The following PARD3B variants were observed in gnomAD, a reference collection of about 807,000 sequenced individuals.
PARD3B encodes the protein par-3 family cell polarity regulator beta, also known as partitioning defective 3 homolog B.
A neutral mutation model predicts 130.2 loss-of-function variants in PARD3B; 103 were observed. That is an observed-to-expected ratio of 0.79 (90% CI 0.67 to 0.93). The LOEUF is 0.93. Among genes scored for constraint, PARD3B ranks in the 40% least tolerant of loss-of-function variants. PARD3B has a pLI of 0.00. For synonymous variants in PARD3B, 583 were observed against 553.2 expected, an observed-to-expected ratio of 1.05 and a Z score of -0.76; for missense variants, 1,609 against 1,499.2, an observed-to-expected ratio of 1.07 and a Z score of -1.21.
chr2:205,388,552 T>C (rs698905), intron 18 of PARD3B, among the ~76,000 whole-genome samples: 114,325 of 152,128 alleles, frequency 0.75, 46,178 homozygotes, highest in East Asian at 0.96. Flanking sequence ...TAATAGCTCT[T>C]TCTGAATTAC....
intron 1 of PARD3B, among the ~76,000 whole-genome samples, chr2:204,584,023 G>T (rs1181855164): frequency 6.6e-6 from 1 of 152,228 alleles, no homozygotes; most frequent in African/African-American, 2.4e-5. Flanking sequence ...GACTGAAGTT[G>T]GGGGCATGCA....
At chr2:205,557,411 C>T (rs995710262) in intron 22 of PARD3B, among the ~76,000 whole-genome samples, 2 of 152,166 alleles carry the variant, frequency 1.3e-5, no homozygotes, top group African/African-American at 4.8e-5. Flanking sequence ...ACTTCCTTTG[C>T]TTTATGACCT....
chr2:204,933,751 T>A (rs1688204962), intron 2 of PARD3B, among the ~76,000 whole-genome samples: 1 of 152,226 alleles, frequency 6.6e-6, no homozygotes, highest in Non-Finnish European at 1.5e-5. Flanking sequence ...ATCTCTTGCC[T>A]CTGTTCAGCA....
At chr2:204,931,100 GA>G (rs975568060) in intron 2 of PARD3B, among the ~76,000 whole-genome samples, 9 of 150,626 alleles carry the variant, frequency 6.0e-5, no homozygotes, top group South Asian at 2.1e-4. Context: ...GTTTAATATA[GA>G]AAAAAAAATG....
At chr2:205,362,961 G>A (rs2044448668) in intron 18 of PARD3B, among the ~76,000 whole-genome samples, 1 of 152,098 alleles carries the variant, frequency 6.6e-6, no homozygotes, top group South Asian at 2.1e-4. Context: ...AACCTTCCGT[G>A]TAGATCCATG....
chr2:204,723,369 GA>G (rs1278175268), intron 2 of PARD3B, among the ~76,000 whole-genome samples: 1 of 151,914 alleles, frequency 6.6e-6, no homozygotes, highest in African/African-American at 2.4e-5. Context: ...TAATTTTTGG[GA>G]AAAAATTAGC....
intron 18 of PARD3B, among the ~76,000 whole-genome samples, chr2:205,356,973 T>C (rs1475857620): frequency 1.3e-5 from 2 of 152,148 alleles, no homozygotes; most frequent in Non-Finnish European, 2.9e-5. Context: ...AAAAAGTTTT[T>C]CTTCCCCTAG....
At position 204,554,451 on chromosome 2, in the gene PARD3B, A is replaced by G. The variant is rs181366524; in HGVS notation, c.120+8332A>G. Reference sequence around the variant, plus strand: ...GGCAAGGCCATCTTTCTAGCTGTTCACCAGAAATGCTTGTCATCACCCTTG... The same window carrying G: ...GGCAAGGCCATCTTTCTAGCTGTTCGCCAGAAATGCTTGTCATCACCCTTG... On this transcript the variant is annotated intron_variant, in intron 1 of 22. Transcript: ENST00000406610. 3.4e-3 allele frequency among the ~76,000 whole-genome samples: 510 copies of G among 151,990 alleles called. 3 individuals carry two copies. The highest frequency in any genetic ancestry group is 0.011 in the African/African-American group (470 of 41,456).
intron 4 of PARD3B, among the ~76,000 whole-genome samples, chr2:205,056,103 G>C (rs1365276652): frequency 6.6e-6 from 1 of 152,128 alleles, no homozygotes; most frequent in East Asian, 1.9e-4. Context: ...AAGGGTTAAT[G>C]AGAGTTCACC....
Position 205,243,402 on chromosome 2 carries a change from G to T in PARD3B, c.2141-2376G>T, listed in dbSNP as rs140579926. Among the ~76,000 whole-genome samples, 757 of 152,274 alleles carry T rather than the reference G, an allele frequency of 5.0e-3. 6 individuals are homozygous for T. The highest frequency in any genetic ancestry group is 0.017 in the African/African-American group (727 of 41,548). On this transcript the variant is annotated intron_variant, in intron 15 of 22. Coordinates refer to ENST00000406610, the MANE Select transcript of PARD3B (RefSeq NM_001302769.2). ...GGTAAGCAATATCCTCTTATGATGA[G>T]ACTGAGGCCACAGAAAGTTAAAATG...
chr2:204,865,337 A>G (rs923287226), intron 2 of PARD3B, among the ~76,000 whole-genome samples: 3 of 152,246 alleles, frequency 2.0e-5, no homozygotes, highest in Admixed American at 6.5e-5. Context: ...TAGCAGCACA[A>G]TTTGCAATCA....
At chr2:205,273,716 T>C (rs543646076) in intron 16 of PARD3B, among the ~76,000 whole-genome samples, 9 of 152,254 alleles carry the variant, frequency 5.9e-5, no homozygotes, top group Non-Finnish European at 1.2e-4. Flanking sequence ...TCATCAGTCA[T>C]GTGTTCACTT....
chr2:204,972,424 A>AT (rs1033899722), intron 3 of PARD3B, among the ~76,000 whole-genome samples: 3 of 151,828 alleles, frequency 2.0e-5, no homozygotes, highest in South Asian at 2.1e-4. Flanking sequence ...TTGTATTTTC[A>AT]TTTTTTTGTT....
At chr2:205,542,793 T>C (rs1466013006) in intron 21 of PARD3B, among the ~76,000 whole-genome samples, 1 of 152,206 alleles carries the variant, frequency 6.6e-6, no homozygotes, top group African/African-American at 2.4e-5. Flanking sequence ...ATGGTTTCGA[T>C]TTATACTCCA....
chr2:205,148,644 G>C (rs1362544522), intron 10 of PARD3B, among the ~76,000 whole-genome samples: 1 of 152,000 alleles, frequency 6.6e-6, no homozygotes, highest in Non-Finnish European at 1.5e-5. Flanking sequence ...TTAGGCAAAA[G>C]TTAACAATGG....
At chr2:204,991,948 T>C (rs892514364) in intron 3 of PARD3B, among the ~76,000 whole-genome samples, 1 of 151,626 alleles carries the variant, frequency 6.6e-6, no homozygotes, top group Non-Finnish European at 1.5e-5. Context: ...TGTAAATTTG[T>C]TGGAGTTCAT....
intron 11 of PARD3B, among the ~76,000 whole-genome samples, chr2:205,166,131 G>A (rs567254437): frequency 6.6e-6 from 1 of 152,280 alleles, no homozygotes; most frequent in Non-Finnish European, 1.5e-5. Context: ...TAGTGGACTA[G>A]ACACCGCATA....
At chr2:205,115,462 C>G (rs1157822797) in intron 6 of PARD3B, among the ~76,000 whole-genome samples, 1 of 152,082 alleles carries the variant, frequency 6.6e-6, no homozygotes, top group Non-Finnish European at 1.5e-5. Context: ...TGTAAATCAT[C>G]AGTCTGATGA....
intron 22 of PARD3B, among the ~76,000 whole-genome samples, chr2:205,596,306 C>T (rs992258810): frequency 6.6e-6 from 1 of 152,174 alleles, no homozygotes; most frequent in African/African-American, 2.4e-5. Context: ...CAACACAGTT[C>T]AGTAACCTTT....
Sources: gnomAD v4.1 joint callset for allele counts (sites outside exome capture counted in the v4.1 genomes callset) on GRCh38, gnomAD v4.1.1 for gene constraint, MANE v1.5 for transcripts, NCBI Gene and HGNC (gene_info 2026-07-23, HGNC 2026-07-21) for gene names.